DNAI4: variants seen among roughly 807,000 people sequenced by gnomAD.
DNAI4 encodes the protein dynein axonemal intermediate chain 4.
In DNAI4, 85 loss-of-function variants were observed where a neutral mutation model predicts 105.8. The observed-to-expected ratio is 0.80, with a 90% CI of 0.67 to 0.96. DNAI4 has a LOEUF of 0.96. DNAI4 is among the 40% of genes least tolerant of loss of function. The pLI, the probability that DNAI4 is intolerant of heterozygous loss-of-function variation, is 0.00. For missense variants in DNAI4, 1,014 were observed against 1,005.6 expected (o/e 1.01, Z -0.11); for synonymous variants, 352 against 331.5 (o/e 1.06, Z -0.67).
intron 4 of DNAI4, among the ~76,000 whole-genome samples, chr1:66,884,292 G>A (rs981502786): frequency 6.6e-6 from 1 of 152,150 alleles, no homozygotes; most frequent in African/African-American, 2.4e-5. Context: ...ATGAACATGG[G>A]ATGCAGTCAG....
chr1:66,819,105 TC>T (rs1645574913), intron 16 of DNAI4, among the ~76,000 whole-genome samples: 1 of 152,170 alleles, frequency 6.6e-6, no homozygotes. Context: ...ATTAAATTAC[TC>T]TTATACTGGC....
intron 10 of DNAI4, among the ~76,000 whole-genome samples, chr1:66,836,140 A>AAAGAAAG (rs1645983018): frequency 1.0e-5 from 1 of 96,008 alleles, no homozygotes; most frequent in Non-Finnish European, 2.1e-5. Flanking sequence ...AGAAAGAAAG[A>AAAGAAAG]AAAGAAAGAA....
intron 1 of DNAI4, among the ~76,000 whole-genome samples, chr1:66,913,447 G>A (rs910640918): frequency 1.3e-5 from 2 of 152,162 alleles, no homozygotes; most frequent in African/African-American, 2.4e-5. Context: ...ATATGTTAAT[G>A]AGAGACTGAG....
chr1:66,845,908 A>G (rs560670785), intron 8 of DNAI4, among the ~76,000 whole-genome samples: 67 of 151,818 alleles, frequency 4.4e-4, no homozygotes, highest in African/African-American at 1.5e-3. Flanking sequence ...GCACAAGGTA[A>G]CTCTTAGGGT....
At chr1:66,861,466 C>T (rs1370022765) in intron 7 of DNAI4, among the ~76,000 whole-genome samples, 1 of 152,172 alleles carries the variant, frequency 6.6e-6, no homozygotes, top group Admixed American at 6.5e-5. Context: ...CATAACTAGA[C>T]TTAGTAAAGG....
At chr1:66,832,067 C>T (rs911689018) in intron 13 of DNAI4, among the ~76,000 whole-genome samples, 4 of 152,168 alleles carry the variant, frequency 2.6e-5, no homozygotes, top group Non-Finnish European at 4.4e-5. Flanking sequence ...CACCTCAATT[C>T]CTGACAGCTG....
At chr1:66,834,567 C>A (rs144564103) in intron 11 of DNAI4, among the ~76,000 whole-genome samples, 2 of 152,096 alleles carry the variant, frequency 1.3e-5, no homozygotes, top group Admixed American at 6.5e-5. Context: ...TCATTTAAAT[C>A]TTATCCAGGT....
intron 1 of DNAI4, among the ~76,000 whole-genome samples, chr1:66,911,134 A>C (rs1183069204): frequency 6.6e-6 from 1 of 152,228 alleles, no homozygotes; most frequent in African/African-American, 2.4e-5. Context: ...CTGCTATAAA[A>C]TCAGGGTTCC....
At chr1:66,819,693 A>T (rs1440050441) in intron 16 of DNAI4, among the ~76,000 whole-genome samples, 1 of 152,136 alleles carries the variant, frequency 6.6e-6, no homozygotes, top group Non-Finnish European at 1.5e-5. Flanking sequence ...ATATACACAC[A>T]CAAATACGTA....
intron 1 of DNAI4, among the ~76,000 whole-genome samples, chr1:66,908,933 C>T (rs1302077174): frequency 6.6e-6 from 1 of 152,212 alleles, no homozygotes; most frequent in African/African-American, 2.4e-5. Flanking sequence ...CCCACTGTCA[C>T]ATCTATGCAC....
intron 4 of DNAI4, among the ~76,000 whole-genome samples, chr1:66,879,486 G>C (rs1407893757): frequency 6.6e-6 from 1 of 152,178 alleles, no homozygotes; most frequent in African/African-American, 2.4e-5. Flanking sequence ...TCAGCTGCTA[G>C]AAACTTTTGA....
intron 15 of DNAI4, among the ~76,000 whole-genome samples, 190 bp from the exon 16 acceptor site, chr1:66,822,707 A>G (rs1322496945): frequency 6.6e-6 from 1 of 152,156 alleles, no homozygotes; most frequent in African/African-American, 2.4e-5. Context: ...TCAATGAACT[A>G]ATTTCAACCA....
chr1:66,828,285 CAAGAA>C (rs1019439780), intron 13 of DNAI4: 4 of 152,768 alleles, frequency 2.6e-5, no homozygotes, highest in African/African-American at 9.7e-5. Context: ...ACAACTATTC[CAAGAA>C]AAGACAGATA....
At chr1:66,835,589 C>T in intron 11 of DNAI4, 37 bp downstream of exon 11, 2 of 1,592,054 alleles carry the variant, frequency 1.3e-6, no homozygotes, top group Non-Finnish European at 1.7e-6. Context: ...CCTGAAAAAG[C>T]ATGTATTATA....
At chr1:66,877,135 C>T (rs1169894047) in intron 4 of DNAI4, among the ~76,000 whole-genome samples, 2 of 152,158 alleles carry the variant, frequency 1.3e-5, no homozygotes, top group African/African-American at 4.8e-5. Flanking sequence ...AGAGAACAAC[C>T]TATGAAGCCT....
At chr1:66,869,132 TAC>T (rs1491552069) in intron 6 of DNAI4, among the ~76,000 whole-genome samples, 2 of 150,374 alleles carry the variant, frequency 1.3e-5, no homozygotes, top group African/African-American at 4.9e-5. Flanking sequence ...TATATATATA[TAC>T]ATATTCTATT....
intron 10 of DNAI4, among the ~76,000 whole-genome samples, chr1:66,836,228 GAGAGAGAA>G (rs1343292006): frequency 7.3e-6 from 1 of 136,944 alleles, no homozygotes; most frequent in East Asian, 2.1e-4. Flanking sequence ...GAGAGAGAGA[GAGAGAGAA>G]AGAAAGAAAG....
chr1:66,901,331 A>G (rs1216593147), intron 2 of DNAI4, among the ~76,000 whole-genome samples: 4 of 152,114 alleles, frequency 2.6e-5, no homozygotes, highest in Admixed American at 6.5e-5. Context: ...ATACAAATGT[A>G]TATCTACAAA....
At position 66,887,958 on chromosome 1, in the gene DNAI4, C is replaced by CA. The variant is rs58481664; in HGVS notation, c.643+3195dup. 1.5e-3 allele frequency among the ~76,000 whole-genome samples: 213 copies of CA among 144,290 alleles called. 1 individual carries two copies. Among genetic ancestry groups the CA allele is most frequent in the African/African-American group, 4.6e-3 (181 of 39,420 alleles). 94.7% of individuals were successfully genotyped at this position (144,290 alleles called of 152,430 possible). Reference sequence around the variant, plus strand: ...TGGGTGACAGAGCGAGACTTTGTCTCAAAAAAAAAAATCTACTACTACCTA... The same window carrying CA: ...TGGGTGACAGAGCGAGACTTTGTCTCAAAAAAAAAAAATCTACTACTACCTA... On this transcript the variant is annotated intron_variant, in intron 4 of 16. Transcript: ENST00000371026.
Sources: gnomAD v4.1 joint callset for allele counts (sites outside exome capture counted in the v4.1 genomes callset) on GRCh38, gnomAD v4.1.1 for gene constraint, MANE v1.5 for transcripts, NCBI Gene and HGNC (gene_info 2026-07-23, HGNC 2026-07-21) for gene names.